ATP11C: variants seen among roughly 807,000 people sequenced by gnomAD.
ATP11C encodes the protein phospholipid-transporting ATPase IG.
ATP11C carries 36 observed loss-of-function variants against 97.4 expected under a neutral mutation model. That is an observed-to-expected ratio of 0.37 (90% CI 0.28 to 0.49). The LOEUF (loss-of-function observed/expected upper bound fraction) is 0.49, where lower values mean the gene tolerates loss of function less well. Ranked by LOEUF, ATP11C falls within the 20% of genes least tolerant of loss-of-function variation. The pLI is 0.98. For missense variants in ATP11C, 730 were observed against 824.6 expected, an observed-to-expected ratio of 0.89 and a Z score of 1.40; for synonymous variants, 275 against 290.9, an observed-to-expected ratio of 0.95 and a Z score of 0.56.
intron 1 of ATP11C, among the ~76,000 whole-genome samples, chrX:139,837,458 C>T (rs1409277469): frequency 8.9e-6 from 1 of 112,150 alleles, no homozygotes; most frequent in Admixed American, 9.5e-5. Flanking sequence ...CATAAAGACT[C>T]AATTCTCCTG....
At chrX:139,853,707 C>T (rs1011429120) in intron 1 of ATP11C, among the ~76,000 whole-genome samples, 2 of 109,149 alleles carry the variant, frequency 1.8e-5, no homozygotes, top group Admixed American at 2.0e-4. Context: ...CCCAGTAACC[C>T]GCAGATGGCC....
chrX:139,881,499 T>C (rs767792848), intron 1 of ATP11C, among the ~76,000 whole-genome samples: 1 of 110,883 alleles, frequency 9.0e-6, no homozygotes, highest in African/African-American at 3.3e-5. Flanking sequence ...AGATTTGGGA[T>C]CCCAGCCAGC....
chrX:139,922,898 C>T (rs2085289599), intron 1 of ATP11C, among the ~76,000 whole-genome samples: 1 of 111,531 alleles, frequency 9.0e-6, no homozygotes, highest in African/African-American at 3.3e-5. Flanking sequence ...AGCAGTTCTC[C>T]AGCCTCAGCC....
intron 7 of ATP11C, among the ~76,000 whole-genome samples, chrX:139,801,286 C>G (rs1395820840): frequency 8.9e-6 from 1 of 112,205 alleles, no homozygotes; most frequent in Non-Finnish European, 1.9e-5. Context: ...AGCTTTATTA[C>G]TTCATCTCTT....
At chrX:139,934,756 T>C (rs190714488), upstream of ATP11C, among the ~76,000 whole-genome samples, 23 of 110,539 alleles carry the variant, frequency 2.1e-4, no homozygotes, top group Admixed American at 1.9e-4. Context: ...TTTCACCATC[T>C]TGCCCAGGTC....
intron 12 of ATP11C, among the ~76,000 whole-genome samples, chrX:139,790,290 G>A (rs897045863): frequency 9.0e-6 from 1 of 111,083 alleles, no homozygotes; most frequent in Admixed American, 9.6e-5. Context: ...ATGTTGCCCA[G>A]GCTGGTCCCA....
At chrX:139,919,399 C>T (rs1384112227) in intron 1 of ATP11C, among the ~76,000 whole-genome samples, 4 of 104,696 alleles carry the variant, frequency 3.8e-5, no homozygotes, top group Admixed American at 1.1e-4. Context: ...ACCCGGGAGG[C>T]GGAGGTTGCA....
At position 139,766,608 on chromosome X, in the gene ATP11C, G is replaced by A. The variant is rs919646735; in HGVS notation, c.2391+1652C>T. On this transcript the variant is annotated intron_variant, in intron 20 of 29. Coordinates refer to ENST00000682941, the MANE Select transcript of ATP11C (RefSeq NM_001353812.2). Reference sequence around the variant, plus strand: ...GCGCTGTGTGTGTGTGTGTGCATATGTGTGCGTGTGTGTGTGCGCGCGCAC... The same window carrying A: ...GCGCTGTGTGTGTGTGTGTGCATATATGTGCGTGTGTGTGTGCGCGCGCAC... Among the ~76,000 whole-genome samples, 6 of 111,440 alleles carry A rather than the reference G, an allele frequency of 5.4e-5. No homozygotes were observed. The East Asian group carries it at 1.7e-3, about 32-fold the overall frequency.
chrX:139,736,003 T>C (rs1477983986), intron 28 of ATP11C, among the ~76,000 whole-genome samples: 3 of 111,958 alleles, frequency 2.7e-5, no homozygotes, highest in East Asian at 2.8e-4. Context: ...CTGGTTGTTC[T>C]AGCATATCAG....
intron 1 of ATP11C, among the ~76,000 whole-genome samples, chrX:139,868,576 A>AG (rs2084321143): frequency 1.9e-5 from 2 of 107,425 alleles, no homozygotes; most frequent in Non-Finnish European, 1.9e-5. Context: ...AAAAAAAAAA[A>AG]TTAGCCAGGC....
chrX:139,757,743 A>C, intron 23 of ATP11C, 65 bp downstream of exon 23: 1 of 788,202 alleles, frequency 1.3e-6, no homozygotes, highest in South Asian at 3.1e-5. Flanking sequence ...GAAATCTAAT[A>C]TATAAGGGTA....
intron 1 of ATP11C, among the ~76,000 whole-genome samples, chrX:139,916,839 C>T: frequency 9.0e-6 from 1 of 111,651 alleles, no homozygotes; most frequent in Non-Finnish European, 1.9e-5. Flanking sequence ...GGGGGTCTTG[C>T]AACTCCTGAT....
intron 6 of ATP11C, among the ~76,000 whole-genome samples, chrX:139,803,685 CTTTTTTTTTTTTTTTTT>C (rs140315105): frequency 5.2e-5 from 2 of 38,265 alleles, no homozygotes; most frequent in East Asian, 8.0e-4. Flanking sequence ...TACACCCTAT[CTTTTTTTTTTTTTTTTT>C]TTTTTTTTTT....
intron 1 of ATP11C, among the ~76,000 whole-genome samples, chrX:139,834,504 A>G (rs777115231): frequency 8.9e-6 from 1 of 112,078 alleles, no homozygotes; most frequent in South Asian, 3.8e-4. Context: ...TGCTATAAAT[A>G]TAACTGATGA....
At chrX:139,734,557 A>G (rs760781499) in intron 28 of ATP11C, among the ~76,000 whole-genome samples, 65 of 111,759 alleles carry the variant, frequency 5.8e-4, no homozygotes, top group African/African-American at 2.0e-3. Flanking sequence ...AACTCCAGAT[A>G]TATTTCATTG....
At chrX:139,782,281 C>T (rs1201864174) in intron 18 of ATP11C, among the ~76,000 whole-genome samples, 10 of 105,993 alleles carry the variant, frequency 9.4e-5, no homozygotes, top group Admixed American at 4.0e-4. Context: ...GAGCCAAGAC[C>T]GCGCCACTGC....
intron 1 of ATP11C, among the ~76,000 whole-genome samples, chrX:139,884,589 C>T (rs753046524): frequency 2.7e-5 from 3 of 112,041 alleles, no homozygotes; most frequent in Admixed American, 9.5e-5. Context: ...TCTCAAAGTG[C>T]TGGGATTACA....
intron 20 of ATP11C, among the ~76,000 whole-genome samples, chrX:139,765,641 C>A (rs995291653): frequency 1.8e-5 from 2 of 112,176 alleles, no homozygotes; most frequent in Non-Finnish European, 3.8e-5. Context: ...TCCAAGAGCA[C>A]ATAGCCAGAT....
intron 26 of ATP11C, among the ~76,000 whole-genome samples, chrX:139,742,879 ATATATATATATATATATAT>A: frequency 1.3e-4 from 1 of 7,651 alleles, no homozygotes; most frequent in East Asian, 8.5e-3. Context: ...AAAAAAAAAT[ATATATATATATATATATAT>A]ATATATATAT....
Sources: gnomAD v4.1 joint callset for allele counts (sites outside exome capture counted in the v4.1 genomes callset) on GRCh38, gnomAD v4.1.1 for gene constraint, MANE v1.5 for transcripts, NCBI Gene and HGNC (gene_info 2026-07-23, HGNC 2026-07-21) for gene names.